The following MARCHF3 variants were observed in gnomAD, a reference collection of about 807,000 sequenced individuals.
The protein encoded by MARCHF3 is membrane associated ring-CH-type finger 3.
Under a neutral mutation model 24.2 loss-of-function variants are expected in MARCHF3, and 13 were observed. The observed-to-expected ratio is 0.54, with a 90% CI of 0.35 to 0.85. The LOEUF is 0.85. MARCHF3 is among the 40% of genes least tolerant of loss of function. MARCHF3 has a pLI of 0.01. For missense variants in MARCHF3, 276 were observed against 325.0 expected (o/e 0.85, Z 1.16); for synonymous variants, 144 against 137.3 (o/e 1.05, Z -0.34).
intron 1 of MARCHF3, among the ~76,000 whole-genome samples, chr5:126,959,392 A>C (rs1750565803): frequency 6.6e-6 from 1 of 152,214 alleles, no homozygotes; most frequent in South Asian, 2.1e-4. Context: ...AGCATTTCTC[A>C]AAACTATCTA....
intron 1 of MARCHF3, among the ~76,000 whole-genome samples, chr5:127,026,842 C>A (rs1254455483): frequency 1.3e-5 from 2 of 152,206 alleles, no homozygotes; most frequent in Admixed American, 1.3e-4. Context: ...ACAGAAATTA[C>A]TCTGTAAAAG....
chr5:126,870,384 A>G lies in MARCHF3; in HGVS notation c.*249T>C. 1 of 387,872 alleles carries G rather than the reference A, an allele frequency of 2.6e-6. No homozygotes were observed. Among genetic ancestry groups the G allele is most frequent in the East Asian group, 4.1e-5 (1 of 24,208 alleles). The allele number at this position is 387,872 out of a possible 1,614,324, so 24.0% of individuals were successfully genotyped here. The stretch of plus-strand genomic sequence containing the variant: ...AGGTGTTCAGAAAATTCCATACAGT[A>G]TCTGCTAAATAAACATGTTTGGCAG... On this transcript the variant is annotated 3_prime_UTR_variant, in exon 5 of 5. Coordinates refer to ENST00000308660, the MANE Select transcript of MARCHF3 (RefSeq NM_178450.5).
At chr5:126,999,055 G>A (rs1752038261) in intron 1 of MARCHF3, among the ~76,000 whole-genome samples, 1 of 152,110 alleles carries the variant, frequency 6.6e-6, no homozygotes, top group Admixed American at 6.6e-5. Context: ...ACACATAATT[G>A]CTTTTCAGGT....
At position 126,915,030 on chromosome 5, in the gene MARCHF3, C is replaced by A. The variant is rs766190126; in HGVS notation, c.293G>T (p.Arg98Leu). The A allele has an allele frequency of 6.2e-7, 1 of 1,614,188 alleles. No homozygotes were observed. The highest frequency in any genetic ancestry group is 8.5e-7 in the Non-Finnish European group (1 of 1,180,030). ...ECTGTLGTIH[R>L]SCLEHWLSSS... Reference sequence around the variant, plus strand: ...TGACAGCCAGTGCTCCAGGCAGCTCCGATGAATTGTCCCCAAGGTCCCTGT... The same window carrying A: ...TGACAGCCAGTGCTCCAGGCAGCTCAGATGAATTGTCCCCAAGGTCCCTGT... Residue 98 changes from arginine to leucine, a missense_variant, in exon 3 of 5, where the codon CGG (arginine) becomes CTG (leucine). Physicochemically the swap from Arg to Leu is moderately radical, Grantham distance 102. Coordinates refer to ENST00000308660, the MANE Select transcript of MARCHF3 (RefSeq NM_178450.5).
chr5:126,991,195 A>G (rs1751746611), intron 1 of MARCHF3, among the ~76,000 whole-genome samples: 2 of 152,246 alleles, frequency 1.3e-5, no homozygotes, highest in African/African-American at 4.8e-5. Context: ...TGGCACATAT[A>G]CACCATGGAA....
intron 1 of MARCHF3, chr5:126,946,352 A>G: frequency 6.9e-6 from 1 of 145,638 alleles, no homozygotes; most frequent in Non-Finnish European, 1.5e-5. Flanking sequence ...AGCCTGGGCC[A>G]TAGAGCGAGA....
chr5:126,892,576 T>C (rs1753734333), intron 3 of MARCHF3, among the ~76,000 whole-genome samples: 1 of 149,694 alleles, frequency 6.7e-6, no homozygotes, highest in Non-Finnish European at 1.5e-5. Context: ...GCTCTGTTTA[T>C]ATGCTGGATT....
intron 1 of MARCHF3, among the ~76,000 whole-genome samples, chr5:126,965,368 G>A (rs1318273504): frequency 5.3e-5 from 8 of 152,134 alleles, no homozygotes; most frequent in Non-Finnish European, 8.8e-5. Flanking sequence ...TTTCATGAAC[G>A]GTGGCACTGA....
chr5:126,968,557 C>A (rs1462773500), intron 1 of MARCHF3, among the ~76,000 whole-genome samples: 2 of 152,058 alleles, frequency 1.3e-5, no homozygotes, highest in African/African-American at 4.8e-5. Flanking sequence ...CTATTCAAAT[C>A]TTTTGTCCAG....
intron 1 of MARCHF3, among the ~76,000 whole-genome samples, chr5:126,964,711 A>T (rs1750747005): frequency 6.6e-6 from 1 of 152,204 alleles, no homozygotes; most frequent in Non-Finnish European, 1.5e-5. Context: ...CTCAACCCAG[A>T]GGTCTGGTAA....
At chr5:126,922,517 TTTA>T (rs1223873010) in intron 1 of MARCHF3, among the ~76,000 whole-genome samples, 34 of 56,584 alleles carry the variant, frequency 6.0e-4, no homozygotes, top group African/African-American at 1.6e-3. Context: ...CTGTCTTTTA[TTTA>T]TTTATTTATT....
At chr5:126,930,017 A>G (rs911159800) in intron 1 of MARCHF3, among the ~76,000 whole-genome samples, 1 of 152,176 alleles carries the variant, frequency 6.6e-6, no homozygotes, top group African/African-American at 2.4e-5. Context: ...TAAATTACCC[A>G]GCCTCAGGTA....
intron 1 of MARCHF3, among the ~76,000 whole-genome samples, chr5:127,004,974 G>GT (rs752755818): frequency 6.0e-5 from 9 of 151,144 alleles, no homozygotes; most frequent in Non-Finnish European, 1.3e-4. Flanking sequence ...AAAAAAAAAA[G>GT]TTTTTCCTAA....
At chr5:126,881,526 G>C (rs1753341500) in intron 3 of MARCHF3, among the ~76,000 whole-genome samples, 1 of 152,098 alleles carries the variant, frequency 6.6e-6, no homozygotes, top group South Asian at 2.1e-4. Context: ...ATATGGAATT[G>C]TCTAAATAAA....
Position 126,892,650 on chromosome 5 carries a change from T to C in MARCHF3, c.394-14256A>G, listed in dbSNP as rs1051548607. Among the ~76,000 whole-genome samples the C allele has an allele frequency of 3.4e-3, 508 of 150,074 alleles. 55 individuals carry two copies. Among genetic ancestry groups the C allele is most frequent in the African/African-American group, 0.012 (481 of 39,650 alleles). On this transcript the variant is annotated intron_variant, in intron 3 of 4. Transcript: ENST00000308660. Reference sequence around the variant, plus strand: ...CCCAGGGATGAAGCCCACTTGATCATGGTGGATAAGCTTTTTGATGTGCTG... The same window carrying C: ...CCCAGGGATGAAGCCCACTTGATCACGGTGGATAAGCTTTTTGATGTGCTG...
chr5:126,971,332 C>T (rs1751000906), intron 1 of MARCHF3, among the ~76,000 whole-genome samples: 1 of 151,576 alleles, frequency 6.6e-6, no homozygotes, highest in Non-Finnish European at 1.5e-5. Flanking sequence ...ACCTGTGGTC[C>T]CAGCTGCTCG....
At chr5:126,897,692 C>T (rs1167506994) in intron 3 of MARCHF3, among the ~76,000 whole-genome samples, 3 of 152,032 alleles carry the variant, frequency 2.0e-5, no homozygotes, top group South Asian at 2.1e-4. Context: ...AAACCATTGA[C>T]GCCTCTGGGC....
At chr5:126,916,672 ACCT>A (rs1754743488) in intron 2 of MARCHF3, among the ~76,000 whole-genome samples, 1 of 129,946 alleles carries the variant, frequency 7.7e-6, no homozygotes, top group African/African-American at 3.1e-5. Flanking sequence ...AGGTAAAAAT[ACCT>A]GACAGACAGA....
At chr5:126,911,549 G>A (rs527881823) in intron 3 of MARCHF3, among the ~76,000 whole-genome samples, 2 of 152,286 alleles carry the variant, frequency 1.3e-5, no homozygotes, top group East Asian at 3.9e-4. Context: ...TAGACCTTAT[G>A]AGATTTGCAT....
Sources: allele counts gnomAD v4.1 joint callset (sites outside exome capture counted in the v4.1 genomes callset), GRCh38; gene constraint gnomAD v4.1.1; transcripts MANE v1.5; gene names NCBI Gene and HGNC (gene_info 2026-07-23, HGNC 2026-07-21).